The following TTC6 variants were observed in gnomAD, a reference collection of about 807,000 sequenced individuals.
TTC6 encodes tetratricopeptide repeat protein 6.
In TTC6, 172 loss-of-function variants were observed where a neutral mutation model predicts 210.4. The observed-to-expected ratio is 0.82, with a 90% CI of 0.72 to 0.93. The LOEUF (loss-of-function observed/expected upper bound fraction) is 0.93, where lower values mean the gene tolerates loss of function less well. Among genes scored for constraint, TTC6 ranks in the 40% least tolerant of loss-of-function variants. TTC6 has a pLI of 0.00. For missense variants in TTC6, 2,414 were observed against 2,318.1 expected (o/e 1.04, Z -0.85); for synonymous variants, 804 against 819.6 (o/e 0.98, Z 0.32).
rs1213820993 is a variant in TTC6 at position 37,770,933 on chromosome 14, G to C, written c.3267-16535G>C. On this transcript the variant is annotated intron_variant, in intron 14 of 30. Transcript: ENST00000553443. Reference sequence around the variant, plus strand: ...TTACATTTTGGCATGATTTTGCAGCGGCTGGTACCGGTTGTTCCTTTCCAT... The same window carrying C: ...TTACATTTTGGCATGATTTTGCAGCCGCTGGTACCGGTTGTTCCTTTCCAT... Among the ~76,000 whole-genome samples, 16 of 140,598 alleles carry C rather than the reference G, an allele frequency of 1.1e-4. No individual in the cohort carries two copies. The Admixed American group carries it at 1.2e-3, about 10-fold the overall frequency. The allele number at this position is 140,598 out of a possible 152,430, so 92.2% of individuals were successfully genotyped here.
At chr14:37,749,788 T>C in exon 12 of TTC6, 1 of 1,464,604 alleles carries the variant, frequency 6.8e-7, no homozygotes, top group Non-Finnish European at 9.0e-7. Context: ...AAGACAAAAT[T>C]AATGAAGCTT....
At chr14:37,737,848 A>T in intron 9 of TTC6, 114 bp downstream of exon 11, 1 of 538,362 alleles carries the variant, frequency 1.9e-6, no homozygotes, top group East Asian at 3.2e-5. Context: ...TCTCTAGTCT[A>T]ATTACATATT....
chr14:37,670,001 G>T (rs1673368761), intron 1 of TTC6, among the ~76,000 whole-genome samples: 1 of 152,162 alleles, frequency 6.6e-6, no homozygotes, highest in African/African-American at 2.4e-5. Flanking sequence ...TTAGTATGGA[G>T]AAGAGATGAC....
chr14:37,827,205 A>G (rs1252787838), exon 29 of TTC6: 2 of 1,612,068 alleles, frequency 1.2e-6, no homozygotes, highest in African/African-American at 1.3e-5. Flanking sequence ...GATCAGTACT[A>G]CAGCAGAATT....
intron 25 of TTC6, among the ~76,000 whole-genome samples, chr14:37,816,661 T>C (rs1039168699): frequency 6.6e-6 from 1 of 152,182 alleles, no homozygotes; most frequent in African/African-American, 2.4e-5. Context: ...CTTCCTATAT[T>C]ATAGCAATCA....
intron 14 of TTC6, among the ~76,000 whole-genome samples, chr14:37,771,920 C>A (rs2096020246): frequency 6.6e-6 from 1 of 152,056 alleles, no homozygotes; most frequent in Admixed American, 6.6e-5. Context: ...CTGTTTTTTC[C>A]CCATCTTTGT....
rs562650894 is a variant in TTC6, at chr14:37,776,188, C to T, written c.3267-11280C>T. Reference sequence around the variant, plus strand: ...GCCTCAGCCTCCCGAGTAGCTGGGACTACAGGCGCCCGCCACCGCGCCCGG... The same window carrying T: ...GCCTCAGCCTCCCGAGTAGCTGGGATTACAGGCGCCCGCCACCGCGCCCGG... On this transcript the variant is annotated intron_variant, in intron 14 of 30. Coordinates refer to ENST00000553443, the Ensembl canonical transcript of TTC6. 2.8e-3 allele frequency among the ~76,000 whole-genome samples: 59 copies of T among 21,272 alleles called. 23 individuals are homozygous for T. Among genetic ancestry groups the T allele is most frequent in the Admixed American group, 0.016 (26 of 1,674 alleles). The allele number at this position is 21,272 out of a possible 152,430, so 14.0% of individuals were successfully genotyped here.
At chr14:37,696,964 CCTT>C in intron 4 of TTC6, 129 bp downstream of exon 6, 1 of 414,962 alleles carries the variant, frequency 2.4e-6, no homozygotes, top group Non-Finnish European at 4.1e-6. Context: ...CTAAGTTAAA[CCTT>C]CTCACAGGAA....
intron 1 of TTC6, among the ~76,000 whole-genome samples, chr14:37,659,214 G>A (rs183730545): frequency 6.6e-4 from 100 of 152,066 alleles, no homozygotes; most frequent in African/African-American, 2.4e-3. Context: ...CCATGTATTT[G>A]CTATTGTTAA....
intron 4 of TTC6, among the ~76,000 whole-genome samples, chr14:37,699,504 A>G (rs958648875): frequency 6.6e-6 from 1 of 152,206 alleles, no homozygotes; most frequent in Non-Finnish European, 1.5e-5. Flanking sequence ...AACATAGAGA[A>G]AGGAAGTTAG....
chr14:37,819,649 A>G (rs1001679689), intron 26 of TTC6, among the ~76,000 whole-genome samples: 3 of 152,226 alleles, frequency 2.0e-5, no homozygotes, highest in Admixed American at 2.0e-4. Flanking sequence ...TCAGAGTTAT[A>G]TATCCTATCT....
At position 37,823,688 on chromosome 14, in the gene TTC6, A is replaced by G. The variant is rs1325045695; in HGVS notation, c.4764-59A>G. The G allele has an allele frequency of 6.2e-6, 9 of 1,443,200 alleles. No individual in the cohort carries two copies. The African/African-American group carries it at 7.0e-5, about 11-fold the overall frequency. The allele number at this position is 1,443,200 out of a possible 1,614,324, so 89.4% of individuals were successfully genotyped here. On this transcript the variant is annotated intron_variant, in intron 26 of 30. Transcript: ENST00000553443. ...AAAGTCAGTTATAGGAAAACATTGTATATGTCACCAGAATGCATCAGTTCA... is the reference window on the plus strand; with the variant it reads ...AAAGTCAGTTATAGGAAAACATTGTGTATGTCACCAGAATGCATCAGTTCA...
At chr14:37,714,465 A>G (rs1031651961) in intron 5 of TTC6, among the ~76,000 whole-genome samples, 190 bp from the exon 8 acceptor site, 1 of 152,156 alleles carries the variant, frequency 6.6e-6, no homozygotes, top group African/African-American at 2.4e-5. Context: ...ACTAAAATGT[A>G]TTAAGAACCA....
chr14:37,824,010 T>G, intron 27 of TTC6, 53 bp downstream of exon 29: 1 of 1,527,420 alleles, frequency 6.5e-7, no homozygotes, highest in Non-Finnish European at 9.0e-7. Flanking sequence ...AGAAAGAATA[T>G]ATTTGGCTCT....
chr14:37,750,456 A>C (rs890151413), intron 12 of TTC6, among the ~76,000 whole-genome samples: 3 of 152,260 alleles, frequency 2.0e-5, no homozygotes, highest in African/African-American at 7.2e-5. Context: ...TGATGATTAA[A>C]GGATTACGAA....
chr14:37,601,689 C>T (rs1162355870), intron 1 of TTC6, among the ~76,000 whole-genome samples: 1 of 152,182 alleles, frequency 6.6e-6, no homozygotes, highest in East Asian at 1.9e-4. Flanking sequence ...CTGGCTCTTA[C>T]CCTGTCATCA....
exon 10 of TTC6, chr14:37,739,049 A>T: frequency 3.3e-6 from 5 of 1,535,458 alleles, no homozygotes; most frequent in Non-Finnish European, 4.4e-6. Flanking sequence ...CATTAGTTAC[A>T]TTGTTTATCC....
chr14:37,635,981 C>CAA lies in TTC6; in HGVS notation c.939+12996_939+12997dup, dbSNP rs71433909. ...GGCAACAAGAGCAAAATTCCATTTCCAAAAAAAAAAAAAAAAAAAGAAAAA... is the reference window on the plus strand; with the variant it reads ...GGCAACAAGAGCAAAATTCCATTTCCAAAAAAAAAAAAAAAAAAAAAGAAAAA... On this transcript the variant is annotated intron_variant, in intron 1 of 30. Coordinates refer to ENST00000553443, the Ensembl canonical transcript of TTC6. 4.0e-3 allele frequency among the ~76,000 whole-genome samples: 284 copies of CAA among 70,276 alleles called. 3 individuals are homozygous for CAA. The highest frequency in any genetic ancestry group is 0.011 in the African/African-American group (161 of 14,912). The allele number at this position is 70,276 out of a possible 152,430, so 46.1% of individuals were successfully genotyped here. A position where few individuals can be genotyped will look rare whatever the true frequency, so the allele number is the denominator to read the frequency against.
chr14:37,778,831 G>A (rs899998118), intron 14 of TTC6, among the ~76,000 whole-genome samples: 5 of 152,098 alleles, frequency 3.3e-5, no homozygotes, highest in African/African-American at 1.2e-4. Flanking sequence ...ACATGGGAGG[G>A]CACTCAAGTT....
Sources: gnomAD v4.1 joint callset for allele counts (sites outside exome capture counted in the v4.1 genomes callset) on GRCh38, gnomAD v4.1.1 for gene constraint, MANE v1.5 for transcripts, NCBI Gene and HGNC (gene_info 2026-07-23, HGNC 2026-07-21) for gene names.